Variants in FGGY observed in about 807,000 individuals in gnomAD.
FGGY encodes the protein FGGY carbohydrate kinase domain containing.
Under a neutral mutation model 71.3 loss-of-function variants are expected in FGGY, and 72 were observed. The ratio of observed to expected loss-of-function variants is 1.01; its 90% CI spans 0.84 to 1.23. FGGY has a LOEUF of 1.23. FGGY is among the 50% of genes most tolerant of loss of function. FGGY has a pLI of 0.00. For synonymous variants in FGGY, 251 were observed against 250.3 expected, an observed-to-expected ratio of 1.00 and a Z score of -0.02; for missense variants, 668 against 682.3, an observed-to-expected ratio of 0.98 and a Z score of 0.23.
intron 8 of FGGY, among the ~76,000 whole-genome samples, chr1:59,589,304 A>T (rs1259060468): frequency 2.0e-5 from 3 of 152,214 alleles, no homozygotes; most frequent in Non-Finnish European, 4.4e-5. Context: ...TGAGTGACCT[A>T]CAAAGAGACT....
intron 14 of FGGY, among the ~76,000 whole-genome samples, chr1:59,722,119 G>A (rs527796536): frequency 6.6e-6 from 1 of 151,490 alleles, no homozygotes; most frequent in South Asian, 2.1e-4. Context: ...TTTTTGAGGA[G>A]TACTGGTCAG....
intron 7 of FGGY, among the ~76,000 whole-genome samples, 176 bp downstream of exon 7, chr1:59,512,615 A>G (rs1385535602): frequency 1.3e-5 from 2 of 152,252 alleles, no homozygotes; most frequent in African/African-American, 2.4e-5. Context: ...AGAACTTTTC[A>G]TTAATGATAA....
In FGGY at chr1:59,346,329, T is replaced by C; in HGVS notation, c.396T>C (p.Ser132=). The change falls in exon 4 of 16, where the codon AGT becomes AGC. Residue 132 remains serine (S), a synonymous_variant. Transcript: ENST00000303721. ...QVNRINETKH[S]VLQYVGGVMS... ...ACAGGATCAATGAGACCAAGCACAG[T>C]GTCCTCCAGTACGTCGGGGGGGTGA... 1.2e-6 allele frequency: 2 copies of C among 1,612,234 alleles called. No homozygotes were observed. The highest frequency in any genetic ancestry group is 2.2e-5 in the East Asian group (1 of 44,868).
chr1:59,577,048 C>A (rs543866803), intron 8 of FGGY, among the ~76,000 whole-genome samples: 1 of 152,152 alleles, frequency 6.6e-6, no homozygotes, highest in Non-Finnish European at 1.5e-5. Context: ...CTAGCAAATT[C>A]TTTTTAAGCA....
At chr1:59,601,458 G>A (rs940088242) in intron 8 of FGGY, among the ~76,000 whole-genome samples, 4 of 152,172 alleles carry the variant, frequency 2.6e-5, no homozygotes, top group African/African-American at 4.8e-5. Flanking sequence ...CAAAAAGAGA[G>A]GCAGGAGCAC....
chr1:59,515,230 T>C (rs2094612239), intron 7 of FGGY, among the ~76,000 whole-genome samples: 2 of 152,160 alleles, frequency 1.3e-5, no homozygotes, highest in Non-Finnish European at 2.9e-5. Flanking sequence ...TTTGATTGCC[T>C]TGCTGGATTT....
chr1:59,742,552 T>C (rs762031104), intron 14 of FGGY, among the ~76,000 whole-genome samples: 4 of 152,270 alleles, frequency 2.6e-5, no homozygotes, highest in Non-Finnish European at 5.9e-5. Context: ...TAAGGATTCA[T>C]TTACTATTTA....
intron 14 of FGGY, among the ~76,000 whole-genome samples, chr1:59,711,038 A>G (rs887131202): frequency 3.3e-5 from 5 of 152,218 alleles, no homozygotes; most frequent in Non-Finnish European, 7.3e-5. Flanking sequence ...CTTGGAGCCA[A>G]CCCAAATGCC....
chr1:59,758,104 T>C, intron 15 of FGGY, 112 bp downstream of exon 15: 1 of 692,482 alleles, frequency 1.4e-6, no homozygotes, highest in Admixed American at 3.3e-5. Context: ...AGTCCTTTAA[T>C]TTGTGGTTAA....
At chr1:59,449,631 A>G (rs898871829) in intron 5 of FGGY, among the ~76,000 whole-genome samples, 10 of 152,076 alleles carry the variant, frequency 6.6e-5, no homozygotes, top group African/African-American at 2.2e-4. Flanking sequence ...GCATTTTTAT[A>G]TTGAAAATAA....
chr1:59,481,701 G>A (rs2093474673), intron 6 of FGGY, among the ~76,000 whole-genome samples: 1 of 152,104 alleles, frequency 6.6e-6, no homozygotes, highest in Non-Finnish European at 1.5e-5. Context: ...CAGTTTAACT[G>A]AGACATACCG....
intron 14 of FGGY, among the ~76,000 whole-genome samples, chr1:59,712,526 C>A (rs1291855157): frequency 6.6e-6 from 1 of 152,224 alleles, no homozygotes; most frequent in African/African-American, 2.4e-5. Context: ...GACCTCACCC[C>A]TATAGCAAAC....
intron 1 of FGGY, among the ~76,000 whole-genome samples, chr1:59,302,452 A>G (rs777467829): frequency 6.6e-6 from 1 of 152,246 alleles, no homozygotes; most frequent in Non-Finnish European, 1.5e-5. Context: ...AATGTGGTAC[A>G]TATGCACCAT....
chr1:59,627,224 T>C (rs2153837954), intron 10 of FGGY, among the ~76,000 whole-genome samples: 1 of 152,040 alleles, frequency 6.6e-6, no homozygotes, highest in South Asian at 2.1e-4. Flanking sequence ...ATATTTTGAC[T>C]ATATGCCATA....
intron 7 of FGGY, among the ~76,000 whole-genome samples, chr1:59,549,118 T>C (rs1275792478): frequency 6.6e-6 from 1 of 152,208 alleles, no homozygotes; most frequent in Non-Finnish European, 1.5e-5. Context: ...AGAACACGTC[T>C]TTGATATGAT....
At chr1:59,403,836 C>T (rs955125231) in intron 5 of FGGY, among the ~76,000 whole-genome samples, 2 of 152,208 alleles carry the variant, frequency 1.3e-5, no homozygotes, top group African/African-American at 4.8e-5. Context: ...CTGCTTCACA[C>T]CTCTGTGATC....
At chr1:59,304,891 G>A (rs2043227233) in intron 1 of FGGY, among the ~76,000 whole-genome samples, 1 of 151,976 alleles carries the variant, frequency 6.6e-6, no homozygotes, top group Non-Finnish European at 1.5e-5. Context: ...AAATGCGGCT[G>A]CTTTTTGTTA....
chr1:59,462,217 C>G (rs967051957), intron 6 of FGGY, among the ~76,000 whole-genome samples: 1 of 152,124 alleles, frequency 6.6e-6, no homozygotes, highest in African/African-American at 2.4e-5. Context: ...AAAGGATTCC[C>G]TATTTAATAA....
At chr1:59,645,388 GC>G (rs1311393113) in intron 11 of FGGY, among the ~76,000 whole-genome samples, 1 of 152,160 alleles carries the variant, frequency 6.6e-6, no homozygotes, top group African/African-American at 2.4e-5. Context: ...TGAACCCTGA[GC>G]AGCCAGCCGT....
Sources: gnomAD v4.1 joint callset for allele counts (sites outside exome capture counted in the v4.1 genomes callset) on GRCh38, gnomAD v4.1.1 for gene constraint, MANE v1.5 for transcripts, NCBI Gene and HGNC (gene_info 2026-07-23, HGNC 2026-07-21) for gene names.